The following NAT1 variants were observed in gnomAD, a reference collection of about 807,000 sequenced individuals.
NAT1 encodes arylamine N-acetyltransferase 1.
For synonymous variants in NAT1, 144 were observed against 122.6 expected (o/e 1.17, Z -1.16); for missense variants, 400 against 339.2 (o/e 1.18, Z -1.41).
intron 2 of NAT1, among the ~76,000 whole-genome samples, chr8:18,171,629 C>T (rs141115239): frequency 1.3e-3 from 192 of 151,954 alleles, no homozygotes; most frequent in Non-Finnish European, 2.5e-3. Context: ...ACAAACAAAA[C>T]AAAAAAACCT....
At chr8:18,215,538 A>T (rs1219992957) in intron 1 of NAT1, among the ~76,000 whole-genome samples, 2 of 152,190 alleles carry the variant, frequency 1.3e-5, no homozygotes, top group African/African-American at 4.8e-5. Context: ...TTCTTTTCAT[A>T]AAACTATTAT....
chr8:18,193,504 AT>A (rs199841973), intron 2 of NAT1, among the ~76,000 whole-genome samples: 24,073 of 132,116 alleles, frequency 0.18, 2,280 homozygotes, highest in Non-Finnish European at 0.21. Flanking sequence ...ATATATATAT[AT>A]AATATATATA....
At chr8:18,197,038 G>A (rs1589080310) in intron 2 of NAT1, among the ~76,000 whole-genome samples, 1 of 152,040 alleles carries the variant, frequency 6.6e-6, no homozygotes, top group South Asian at 2.1e-4. Context: ...TTAAAACCAC[G>A]GCGGAAGGCA....
At chr8:18,175,308 T>C (rs551844338) in intron 2 of NAT1, among the ~76,000 whole-genome samples, 1 of 152,216 alleles carries the variant, frequency 6.6e-6, no homozygotes, top group South Asian at 2.1e-4. Flanking sequence ...TCACTAAATC[T>C]GATTCCTCCA....
At chr8:18,202,986 G>A (rs757986198) in intron 2 of NAT1, among the ~76,000 whole-genome samples, 6 of 152,046 alleles carry the variant, frequency 3.9e-5, no homozygotes, top group South Asian at 4.1e-4. Flanking sequence ...TGATTGGTGC[G>A]TTTACAATCC....
At chr8:18,218,323 TGAG>T (rs1445869406) in intron 1 of NAT1, among the ~76,000 whole-genome samples, 4 of 152,098 alleles carry the variant, frequency 2.6e-5, no homozygotes, top group Non-Finnish European at 4.4e-5. Flanking sequence ...TTATGGATGT[TGAG>T]GAGATCACAG....
At chr8:18,203,442 C>G (rs1432378261) in intron 2 of NAT1, among the ~76,000 whole-genome samples, 2 of 152,172 alleles carry the variant, frequency 1.3e-5, no homozygotes, top group African/African-American at 2.4e-5. Context: ...TTTAGGCTAT[C>G]TCTCCTAGAT....
chr8:18,176,108 T>C (rs1179440126), intron 2 of NAT1, among the ~76,000 whole-genome samples: 1 of 152,110 alleles, frequency 6.6e-6, no homozygotes, highest in East Asian at 1.9e-4. Flanking sequence ...TGAATATTAG[T>C]TGCTTATCAG....
At chr8:18,209,293 G>A (rs753557163), upstream of NAT1, among the ~76,000 whole-genome samples, 5 of 152,234 alleles carry the variant, frequency 3.3e-5, no homozygotes, top group Non-Finnish European at 5.9e-5. Flanking sequence ...AGAACAGTAG[G>A]TGCCGAAGGC....
chr8:18,215,210 T>C (rs112029899), intron 1 of NAT1, among the ~76,000 whole-genome samples: 1 of 152,230 alleles, frequency 6.6e-6, no homozygotes, highest in African/African-American at 2.4e-5. Context: ...CAATCTGTCA[T>C]TGATGGGTAT....
intron 2 of NAT1, among the ~76,000 whole-genome samples, chr8:18,196,931 A>G (rs1803257517): frequency 6.6e-6 from 1 of 152,192 alleles, no homozygotes; most frequent in Non-Finnish European, 1.5e-5. Flanking sequence ...TATAAAGAGT[A>G]TTACCCAAGA....
At chr8:18,218,376 A>G (rs1160146633) in intron 1 of NAT1, among the ~76,000 whole-genome samples, 2 of 152,178 alleles carry the variant, frequency 1.3e-5, no homozygotes, top group African/African-American at 4.8e-5. Context: ...TATAAGAAAC[A>G]TATGGTACCT....
chr8:18,223,502 G>T lies in NAT1; in HGVS notation c.*582G>T, dbSNP rs1047663076. On this transcript the variant is annotated 3_prime_UTR_variant, in exon 3 of 3. Transcript: ENST00000307719. ...AGTTGAAATCCTGTGGACACTGGGC[G>T]AATTACTTTTTAGATCTGTAGCTCT... The T allele has an allele frequency of 1.2e-5, 2 of 166,234 alleles. No homozygotes were observed. Among genetic ancestry groups the T allele is most frequent in the Non-Finnish European group, 2.9e-5 (2 of 67,894 alleles). 10.3% of individuals were successfully genotyped at this position (166,234 alleles called of 1,614,324 possible).
rs575165434 is a variant in NAT1 at position 18,174,820 on chromosome 8, T to C, written n.92+4081T>C. ...AAGCCCCATCTTTTACAGAAAAGGATTGGCTCTATAACCCTTTTACCTCCC... is the reference window on the plus strand; with the variant it reads ...AAGCCCCATCTTTTACAGAAAAGGACTGGCTCTATAACCCTTTTACCTCCC... On this transcript the variant is annotated intron_variant and non_coding_transcript_variant, in intron 2 of 4. Coordinates refer to the NAT1 transcript ENST00000517441. Among the ~76,000 whole-genome samples the C allele has an allele frequency of 5.3e-5, 8 of 152,142 alleles. 1 individual carries two copies. The East Asian group carries it at 1.2e-3, about 22-fold the overall frequency.
chr8:18,202,321 T>A (rs1589087941), intron 2 of NAT1, among the ~76,000 whole-genome samples: 1 of 152,254 alleles, frequency 6.6e-6, no homozygotes, highest in East Asian at 1.9e-4. Flanking sequence ...TAACAATTAT[T>A]TTGGGGAACT....
chr8:18,189,307 A>C (rs576629623), intron 2 of NAT1, among the ~76,000 whole-genome samples: 176 of 152,204 alleles, frequency 1.2e-3, no homozygotes, highest in African/African-American at 4.1e-3. Context: ...TTGATCAGGC[A>C]CTGTGCTAGC....
chr8:18,220,370 C>T (rs1352061460), intron 2 of NAT1, among the ~76,000 whole-genome samples: 3 of 151,986 alleles, frequency 2.0e-5, no homozygotes, highest in Non-Finnish European at 2.9e-5. Flanking sequence ...ATAAGAGATG[C>T]TCCACTTATC....
At chr8:18,176,027 G>C (rs1009346952) in intron 2 of NAT1, among the ~76,000 whole-genome samples, 28 of 152,058 alleles carry the variant, frequency 1.8e-4, no homozygotes, top group Non-Finnish European at 5.9e-5. Flanking sequence ...TGCCTGTTCA[G>C]ATCCTTTGCC....
intron 2 of NAT1, among the ~76,000 whole-genome samples, chr8:18,187,975 A>T (rs1302617592): frequency 2.0e-5 from 3 of 149,006 alleles, no homozygotes; most frequent in African/African-American, 7.7e-5. Context: ...ACACACACAC[A>T]CACACTTTTA....
Sources: gnomAD v4.1 joint callset for allele counts (sites outside exome capture counted in the v4.1 genomes callset) on GRCh38, gnomAD v4.1.1 for gene constraint, MANE v1.5 for transcripts, NCBI Gene and HGNC (gene_info 2026-07-23, HGNC 2026-07-21) for gene names.